Variants in LPIN1 observed in about 807,000 individuals in gnomAD.
LPIN1 encodes lipin 1.
In LPIN1, 71 loss-of-function variants were observed where a neutral mutation model predicts 107.5. That is an observed-to-expected ratio of 0.66 (90% CI 0.55 to 0.80). LPIN1 has a LOEUF of 0.80. Among genes scored for constraint, LPIN1 ranks in the 30% least tolerant of loss-of-function variants. LPIN1 has a pLI of 0.00. For missense variants in LPIN1, 1,043 were observed against 1,160.6 expected (o/e 0.90, Z 1.47); for synonymous variants, 445 against 452.6 (o/e 0.98, Z 0.21).
At position 11,705,446 on chromosome 2, in the gene LPIN1, C is replaced by T. The variant is rs1047615312; in HGVS notation, c.82-8310C>T. Among the ~76,000 whole-genome samples the T allele has an allele frequency of 9.2e-5, 14 of 152,282 alleles. 1 individual carries two copies. In the South Asian group the frequency reaches 1.0e-3, roughly 11 times the overall value. The stretch of plus-strand genomic sequence containing the variant: ...CAAACAAATGTAAATTTGCAAACTG[C>T]GCTAAGTGCCATGAAGGAGCTACAA... On this transcript the variant is annotated intron_variant, in intron 1 of 21. Transcript: ENST00000449576.
intron 1 of LPIN1, among the ~76,000 whole-genome samples, chr2:11,732,273 A>G (rs1665311177): frequency 6.6e-6 from 1 of 152,212 alleles, no homozygotes; most frequent in Non-Finnish European, 1.5e-5. Context: ...ACCTATATTT[A>G]TAACAGAAAG....
In LPIN1 at chr2:11,774,563, C is replaced by G. The variant is rs2148640756; in HGVS notation, c.722+818C>G. Among the ~76,000 whole-genome samples, 1 of 152,282 alleles carries G rather than the reference C, an allele frequency of 6.6e-6. No homozygotes were observed. The highest frequency in any genetic ancestry group is 2.1e-4 in the South Asian group (1 of 4,826). On this transcript the variant is annotated intron_variant, in intron 5 of 20. Transcript: ENST00000674199. The surrounding 1 kb of genome is among the most constrained non-coding windows in gnomAD (Gnocchi z 4.4). ...GAAAAAGAGACTGAGAAACGCTGAT[C>G]TAAATGCCAGTGACATCCTTGGGTT...
intron 1 of LPIN1, among the ~76,000 whole-genome samples, chr2:11,710,916 T>C (rs1663374455): frequency 6.6e-6 from 1 of 152,230 alleles, no homozygotes; most frequent in South Asian, 2.1e-4. Flanking sequence ...AAAGAAATTA[T>C]TGTTGAAATA....
Position 11,815,125 on chromosome 2 carries a change from A to G in LPIN1, c.2287A>G (p.Ile763Val). The G allele has an allele frequency of 6.2e-7, 1 of 1,614,176 alleles. No individual in the cohort carries two copies. The highest frequency in any genetic ancestry group is 8.5e-7 in the Non-Finnish European group (1 of 1,180,020). Residue 763 changes from isoleucine (I) to valine (V), a missense_variant, in exon 18 of 21, where the codon ATC becomes GTC. Ile to Val is a conservative substitution (Grantham distance 29). Transcript: ENST00000674199. ...YKFLYCSARAIGMADMTRGYL... is the reference protein window; with the variant it reads ...YKFLYCSARAVGMADMTRGYL... ...ATTTCTCTACTGTTCTGCCCGTGCC[A>G]TCGGGATGGCGGACATGACGCGGGG...
chr2:11,785,140 C>A, intron 10 of LPIN1, 64 bp downstream of exon 10: 3 of 1,306,126 alleles, frequency 2.3e-6, no homozygotes, highest in Non-Finnish European at 2.1e-6. Flanking sequence ...GAGGCTTAGG[C>A]TTCTCCAAGG....
chr2:11,824,986 A>C lies in LPIN1; in HGVS notation c.*195A>C. 1 of 632,248 alleles carries C rather than the reference A, an allele frequency of 1.6e-6. No individual in the cohort carries two copies. The highest frequency in any genetic ancestry group is 2.7e-6 in the Non-Finnish European group (1 of 363,654). 39.2% of individuals were successfully genotyped at this position (632,248 alleles called of 1,614,324 possible). On this transcript the variant is annotated 3_prime_UTR_variant, in exon 21 of 21. Coordinates refer to ENST00000674199, the MANE Select transcript of LPIN1 (RefSeq NM_001349206.2). ...TTTCTAAGCAAGATAGGAAGGGAGCACTTTCTAGGCTAGGAGTTGGGTGCA... is the reference window on the plus strand; with the variant it reads ...TTTCTAAGCAAGATAGGAAGGGAGCCCTTTCTAGGCTAGGAGTTGGGTGCA...
rs1406483550 is a variant in LPIN1, at chr2:11,786,471, AC to A, written c.1550-600del. Among the ~76,000 whole-genome samples the A allele has an allele frequency of 6.6e-6, 1 of 151,758 alleles. No homozygotes were observed. Among genetic ancestry groups the A allele is most frequent in the African/African-American group, 2.4e-5 (1 of 41,270 alleles). On this transcript the variant is annotated intron_variant, in intron 10 of 20. Coordinates refer to ENST00000674199, the MANE Select transcript of LPIN1 (RefSeq NM_001349206.2). The surrounding 1 kb of genome is among the most constrained non-coding windows in gnomAD (Gnocchi z 4.1). Reference sequence around the variant, plus strand: ...CCGGGGCTGAGGTCTGGGCCTCCTGACCCTGCCACCTTCTCCTTTGCTCTGA... The same window carrying A: ...CCGGGGCTGAGGTCTGGGCCTCCTGACCTGCCACCTTCTCCTTTGCTCTGA...
chr2:11,690,353 T>C (rs12467517), intron 1 of LPIN1, among the ~76,000 whole-genome samples: 42,262 of 152,176 alleles, frequency 0.28, 6,373 homozygotes, highest in Middle Eastern at 0.38. Context: ...TTTCCCTCAA[T>C]ATTTAAAAAA....
Position 11,773,759 on chromosome 2 carries a change from T to C in LPIN1, c.722+14T>C. 2 of 1,613,998 alleles carry C rather than the reference T, an allele frequency of 1.2e-6. No individual in the cohort carries two copies. The highest frequency in any genetic ancestry group is 1.7e-6 in the Non-Finnish European group (2 of 1,179,872). On this transcript the variant is annotated intron_variant, in intron 5 of 20. Transcript: ENST00000674199. ...ACCCACTCCCAGGTAAGCTGTTCCC[T>C]GTTCCCCTGGCCCAGTGCAGAGGCT...
chr2:11,791,350 A>G (rs962448283), intron 12 of LPIN1, among the ~76,000 whole-genome samples: 3 of 152,236 alleles, frequency 2.0e-5, no homozygotes, highest in African/African-American at 7.2e-5. Context: ...ATCAATTCAT[A>G]TTTAATCTCC....
chr2:11,776,582 G>C (rs1672711811), intron 6 of LPIN1, among the ~76,000 whole-genome samples: 1 of 152,086 alleles, frequency 6.6e-6, no homozygotes, highest in Admixed American at 6.5e-5. Flanking sequence ...CGGGTTGTTT[G>C]ACAAATAAGT....
chr2:11,796,507 A>T (rs1676740291), intron 14 of LPIN1, among the ~76,000 whole-genome samples: 1 of 152,078 alleles, frequency 6.6e-6, no homozygotes, highest in Non-Finnish European at 1.5e-5. Context: ...CAGGGTGGAG[A>T]CGAGTGTGCG....
At chr2:11,681,074 A>G (rs116066551) in intron 1 of LPIN1, among the ~76,000 whole-genome samples, 2 of 152,118 alleles carry the variant, frequency 1.3e-5, no homozygotes, top group East Asian at 3.9e-4. Flanking sequence ...CTGCAAATAC[A>G]ATGGTGCCAA....
intron 1 of LPIN1, among the ~76,000 whole-genome samples, chr2:11,753,555 AGT>A (rs1668188322): frequency 6.6e-6 from 1 of 152,206 alleles, no homozygotes; most frequent in Non-Finnish European, 1.5e-5. Context: ...GCTGCCTATA[AGT>A]GTGTGCCAGT....
intron 1 of LPIN1, among the ~76,000 whole-genome samples, chr2:11,762,648 A>C (rs941995263): frequency 6.6e-6 from 1 of 152,206 alleles, no homozygotes; most frequent in African/African-American, 2.4e-5. Context: ...GAGGAAAATG[A>C]AATATCATAA....
chr2:11,765,530 C>T lies in LPIN1; in HGVS notation c.-9-3C>T, dbSNP rs977918741. Reference sequence around the variant, plus strand: ...TGTGTGTTTTTTTTTGTCTGTTTTCCAGGTGCAGACCATGAATTACGTGGG... The same window carrying T: ...TGTGTGTTTTTTTTTGTCTGTTTTCTAGGTGCAGACCATGAATTACGTGGG... On this transcript the variant is annotated splice_region_variant and splice_polypyrimidine_tract_variant and intron_variant, in intron 1 of 20. Transcript: ENST00000674199. The surrounding 1 kb of genome is among the most constrained non-coding windows in gnomAD (Gnocchi z 4.4). 1 of 1,608,514 alleles carries T rather than the reference C, an allele frequency of 6.2e-7. No individual in the cohort carries two copies. The highest frequency in any genetic ancestry group is 1.7e-5 in the Admixed American group (1 of 59,040).
At chr2:11,789,252 T>A (rs545755558) in intron 12 of LPIN1, among the ~76,000 whole-genome samples, 1 of 152,366 alleles carries the variant, frequency 6.6e-6, no homozygotes, top group South Asian at 2.1e-4. Context: ...AGTCTAGGCT[T>A]GCTGCTTCCT....
intron 1 of LPIN1, among the ~76,000 whole-genome samples, chr2:11,735,111 G>T (rs887051718): frequency 9.2e-5 from 14 of 151,986 alleles, no homozygotes; most frequent in Admixed American, 3.3e-4. Context: ...GGCCAACACG[G>T]TGAAACCCCG....
At chr2:11,723,458 T>G (rs1291182708), upstream of LPIN1, 1 of 152,008 alleles carries the variant, frequency 6.6e-6, no homozygotes, top group Non-Finnish European at 1.5e-5. Flanking sequence ...GAGATCGAGA[T>G]CATCCTGGCT....
Sources: allele counts gnomAD v4.1 joint callset (sites outside exome capture counted in the v4.1 genomes callset), GRCh38; gene constraint gnomAD v4.1.1; non-coding constraint Gnocchi (gnomAD v3.1); transcripts MANE v1.5; gene names NCBI Gene and HGNC (gene_info 2026-07-23, HGNC 2026-07-21).